DPRX: variants seen among roughly 807,000 people sequenced by gnomAD.
DPRX encodes the protein divergent paired-related homeobox.
DPRX carries 11 observed loss-of-function variants against 8.4 expected under a neutral mutation model. That is an observed-to-expected ratio of 1.31 (90% CI 0.82 to 2.17). The LOEUF is 2.17. Among genes scored for constraint, DPRX ranks in the 30% most tolerant of loss-of-function variants. The pLI, the probability that DPRX is intolerant of heterozygous loss-of-function variation, is 0.00. For missense variants in DPRX, 211 were observed against 236.7 expected (o/e 0.89, Z 0.71); for synonymous variants, 72 against 87.0 (o/e 0.83, Z 0.96).
chr19:53,632,921 C>G (rs1322316584), intron 1 of DPRX, among the ~76,000 whole-genome samples: 1 of 152,164 alleles, frequency 6.6e-6, no homozygotes, highest in Non-Finnish European at 1.5e-5. Context: ...TAGGCTTAGC[C>G]AAGCTGGAAA....
chr19:53,613,514 ATTT>A, the DPRX span, among the ~76,000 whole-genome samples: 1 of 139,386 alleles, frequency 7.2e-6, no homozygotes. Flanking sequence ...TGCCCCGCTA[ATTT>A]TTTTTTTTTT....
At chr19:53,619,219 A>G in the DPRX span, among the ~76,000 whole-genome samples, 1,595 of 152,136 alleles carry the variant, frequency 0.01, 26 homozygotes, top group African/African-American at 0.035. Flanking sequence ...GTAAGACAGG[A>G]AAGGATGGGG....
At chr19:53,614,956 T>C in the DPRX span, among the ~76,000 whole-genome samples, 1 of 151,848 alleles carries the variant, frequency 6.6e-6, no homozygotes, top group Admixed American at 6.6e-5. Context: ...CCTGTCTCTC[T>C]ATTTTTTTTT....
the DPRX span, among the ~76,000 whole-genome samples, chr19:53,614,690 C>A: frequency 6.6e-6 from 1 of 152,086 alleles, no homozygotes; most frequent in Admixed American, 6.6e-5. Context: ...TGGGTCCTAT[C>A]TAGCAAATGT....
the DPRX span, chr19:53,603,339 C>T: frequency 8.8e-6 from 4 of 456,072 alleles, no homozygotes; most frequent in Admixed American, 2.4e-5. Context: ...CGCGGAGAAA[C>T]GCCACTGCTC....
At chr19:53,629,983 G>GGCCCT (rs200021305), upstream of DPRX, 2 of 151,198 alleles carry the variant, frequency 1.3e-5, no homozygotes, top group African/African-American at 4.9e-5. Context: ...AAGGCAGATG[G>GGCCCT]ATCACCTGAG....
upstream of DPRX, among the ~76,000 whole-genome samples, chr19:53,630,596 G>A (rs1197469136): frequency 6.6e-6 from 1 of 151,852 alleles, no homozygotes; most frequent in Non-Finnish European, 1.5e-5. Context: ...CCAGTAGGTC[G>A]AGGCTGCAGT....
chr19:53,634,124 C>T (rs1188535047), intron 1 of DPRX, among the ~76,000 whole-genome samples: 1 of 152,096 alleles, frequency 6.6e-6, no homozygotes, highest in African/African-American at 2.4e-5. Context: ...CCAGCAGTGT[C>T]TCCATATCTA....
At chr19:53,609,719 G>A in the DPRX span, among the ~76,000 whole-genome samples, 1 of 142,752 alleles carries the variant, frequency 7.0e-6, no homozygotes, top group Non-Finnish European at 1.5e-5. Flanking sequence ...TCCAAAAATT[G>A]GCTGGGCATA....
At chr19:53,602,123 C>T in the DPRX span, 2 of 456,498 alleles carry the variant, frequency 4.4e-6, no homozygotes, top group Non-Finnish European at 8.8e-6. Context: ...GGCGTTTGGG[C>T]CAATGGGCCA....
At chr19:53,609,702 CT>C in the DPRX span, among the ~76,000 whole-genome samples, 2 of 150,622 alleles carry the variant, frequency 1.3e-5, no homozygotes, top group Non-Finnish European at 2.9e-5. Flanking sequence ...CCCGTCTCTA[CT>C]AAAAATCCAA....
chr19:53,612,535 C>T, the DPRX span, among the ~76,000 whole-genome samples: 4 of 151,884 alleles, frequency 2.6e-5, 1 homozygote, highest in South Asian at 4.2e-4. Context: ...GGTGAAACCT[C>T]GTCTCTATGA....
At chr19:53,619,684 A>C in the DPRX span, among the ~76,000 whole-genome samples, 2 of 137,494 alleles carry the variant, frequency 1.5e-5, no homozygotes, top group South Asian at 2.3e-4. Context: ...TCAAAAAAAA[A>C]AAAAACAAAA....
the DPRX span, among the ~76,000 whole-genome samples, chr19:53,610,643 A>G: frequency 1.1e-3 from 170 of 152,282 alleles, no homozygotes; most frequent in African/African-American, 3.8e-3. Context: ...AGCTTGTCCA[A>G]CCAGCGGCCC....
chr19:53,631,377 T>C (rs2091092033), upstream of DPRX, among the ~76,000 whole-genome samples: 1 of 152,114 alleles, frequency 6.6e-6, no homozygotes, highest in Non-Finnish European at 1.5e-5. Flanking sequence ...AAGCATATAT[T>C]AGCCACTAAA....
upstream of DPRX, among the ~76,000 whole-genome samples, chr19:53,631,452 A>G (rs2091092319): frequency 6.6e-6 from 1 of 152,110 alleles, no homozygotes; most frequent in African/African-American, 2.4e-5. Flanking sequence ...TCACAATCAC[A>G]TTCCCGGTCC....
chr19:53,634,434 T>G (rs553753364), intron 1 of DPRX, 97 bp from the exon 2 acceptor site: 3 of 1,453,714 alleles, frequency 2.1e-6, no homozygotes, highest in Non-Finnish European at 2.8e-6. Flanking sequence ...CACTTGATCA[T>G]CACGTTGTAC....
the DPRX span, among the ~76,000 whole-genome samples, chr19:53,616,257 AAAAT>A: frequency 1.3e-5 from 2 of 152,190 alleles, no homozygotes; most frequent in African/African-American, 4.8e-5. Context: ...TGTCTCAAAA[AAAAT>A]AAATAAATAA....
At chr19:53,606,703 T>C in the DPRX span, 1 of 147,422 alleles carries the variant, frequency 6.8e-6, no homozygotes, top group African/African-American at 2.6e-5. This position sits in a 1 kb window ranked among gnomAD's most constrained non-coding sequence, Gnocchi z 4.8. Flanking sequence ...CACCGGGCGG[T>C]GAGGGTGGAG....
Sources: gnomAD v4.1 joint callset for allele counts (sites outside exome capture counted in the v4.1 genomes callset) on GRCh38, gnomAD v4.1.1 for gene constraint, Gnocchi (gnomAD v3.1) non-coding constraint, MANE v1.5 for transcripts, NCBI Gene and HGNC (gene_info 2026-07-23, HGNC 2026-07-21) for gene names.